The following SERGEF variants were observed in gnomAD, a reference collection of about 807,000 sequenced individuals.
SERGEF encodes the protein secretion-regulating guanine nucleotide exchange factor.
SERGEF carries 51 observed loss-of-function variants against 50.0 expected under a neutral mutation model. That is an observed-to-expected ratio of 1.02 (90% CI 0.81 to 1.29). The LOEUF is 1.29. Among genes scored for constraint, SERGEF ranks in the 50% most tolerant of loss-of-function variants. The pLI is 0.00. For missense variants in SERGEF, 521 were observed against 557.0 expected (o/e 0.94, Z 0.65); for synonymous variants, 205 against 212.4 (o/e 0.97, Z 0.30).
At chr11:17,883,881 T>C (rs1425004440) in intron 9 of SERGEF, among the ~76,000 whole-genome samples, 1 of 152,024 alleles carries the variant, frequency 6.6e-6, no homozygotes, top group South Asian at 2.1e-4. Flanking sequence ...CCTGCCCTCC[T>C]CATGGATACC....
intron 9 of SERGEF, among the ~76,000 whole-genome samples, chr11:17,890,229 C>T (rs1049686684): frequency 6.6e-6 from 1 of 151,990 alleles, no homozygotes; most frequent in African/African-American, 2.4e-5. Flanking sequence ...GACTGTGATG[C>T]AATGGGTCGG....
chr11:17,909,176 G>C (rs2133927908), intron 9 of SERGEF, among the ~76,000 whole-genome samples: 1 of 152,286 alleles, frequency 6.6e-6, no homozygotes, highest in South Asian at 2.1e-4. Flanking sequence ...GGCAAGTCAA[G>C]CCATTGTTTT....
At chr11:17,926,960 T>C (rs1205135566) in intron 9 of SERGEF, 2 of 403,308 alleles carry the variant, frequency 5.0e-6, no homozygotes, top group Non-Finnish European at 1.0e-5. Flanking sequence ...AGGACCTCTT[T>C]GACGGATAAA....
chr11:17,982,962 T>G lies in SERGEF; in HGVS notation c.844+5635A>C, dbSNP rs533384947. On this transcript the variant is annotated intron_variant, in intron 8 of 10. Coordinates refer to ENST00000265965, the MANE Select transcript of SERGEF (RefSeq NM_012139.4). ...AGTTGCCATAAAGTCACTTTCTCTC[T>G]GCTTGGTTTCAGTTTTTTCATTTGC... Among the ~76,000 whole-genome samples the G allele has an allele frequency of 5.9e-5, 9 of 152,378 alleles. No homozygotes were observed. The East Asian group carries it at 1.7e-3, about 29-fold the overall frequency.
chr11:17,826,488 T>C (rs1293112084), intron 10 of SERGEF, among the ~76,000 whole-genome samples: 1 of 152,176 alleles, frequency 6.6e-6, no homozygotes, highest in Admixed American at 6.5e-5. Context: ...ACTGAGGAAT[T>C]TGGAGCATGC....
intron 10 of SERGEF, among the ~76,000 whole-genome samples, chr11:17,840,467 G>T (rs1850479911): frequency 6.6e-6 from 1 of 152,140 alleles, no homozygotes; most frequent in African/African-American, 2.4e-5. Context: ...CTGTTCTACA[G>T]AAGGACACGA....
chr11:17,990,555 C>T (rs188485377), intron 7 of SERGEF, among the ~76,000 whole-genome samples: 4 of 152,330 alleles, frequency 2.6e-5, no homozygotes, highest in Admixed American at 2.6e-4. Context: ...TAAACAACTT[C>T]ACTTATCTTA....
intron 10 of SERGEF, among the ~76,000 whole-genome samples, chr11:17,872,892 T>C (rs1851168661): frequency 6.6e-6 from 1 of 151,994 alleles, no homozygotes; most frequent in African/African-American, 2.4e-5. Flanking sequence ...GAAATGAGTA[T>C]AGTATGCTAC....
At chr11:17,830,877 T>C (rs927172936) in intron 10 of SERGEF, among the ~76,000 whole-genome samples, 2 of 152,140 alleles carry the variant, frequency 1.3e-5, no homozygotes, top group Non-Finnish European at 2.9e-5. Flanking sequence ...GCATACATTT[T>C]CTAAGTGTGA....
At chr11:17,951,030 G>T (rs146836471) in intron 9 of SERGEF, among the ~76,000 whole-genome samples, 6 of 152,250 alleles carry the variant, frequency 3.9e-5, no homozygotes, top group African/African-American at 1.4e-4. Context: ...ATACTCTGAT[G>T]CTGCAGGGAG....
At chr11:17,877,513 AGTC>A (rs1334151168) in intron 10 of SERGEF, among the ~76,000 whole-genome samples, 1 of 152,230 alleles carries the variant, frequency 6.6e-6, no homozygotes, top group Non-Finnish European at 1.5e-5. Flanking sequence ...AGCATAGAGA[AGTC>A]AATACCTTGT....
chr11:17,966,020 C>A (rs990967606), intron 8 of SERGEF, among the ~76,000 whole-genome samples: 1 of 152,218 alleles, frequency 6.6e-6, no homozygotes, highest in Non-Finnish European at 1.5e-5. Flanking sequence ...TTAAGGATTT[C>A]CATGGTTCCA....
chr11:18,000,289 A>T (rs1346727200), intron 5 of SERGEF, among the ~76,000 whole-genome samples: 1 of 151,900 alleles, frequency 6.6e-6, no homozygotes, highest in Non-Finnish European at 1.5e-5. Context: ...CTCTACAAAA[A>T]ATCTTAAAAA....
chr11:17,959,661 A>C, intron 8 of SERGEF, 25 bp from the exon 9 acceptor site: 1 of 1,593,836 alleles, frequency 6.3e-7, no homozygotes, highest in Non-Finnish European at 8.6e-7. Flanking sequence ...TATTTGAATT[A>C]AGACTACATT....
Position 17,788,237 on chromosome 11 carries a change from C to T in SERGEF, c.1225G>A (p.Val409Ile). The change falls in exon 11 of 11, where the codon GTC becomes ATC. Residue 409 changes from valine (V) to isoleucine (I), a missense_variant. Physicochemically the swap from Val to Ile is conservative, Grantham distance 29 (BLOSUM62 3). Coordinates refer to ENST00000265965, the MANE Select transcript of SERGEF (RefSeq NM_012139.4). ...LCQLPAHPAL[V>I]QDPKVTYLSP... Reference sequence around the variant, plus strand: ...AGGTAGGTGACCTTGGGGTCCTGGACCAATGCAGGGTGAGCTGGCAGCTGG... The same window carrying T: ...AGGTAGGTGACCTTGGGGTCCTGGATCAATGCAGGGTGAGCTGGCAGCTGG... The T allele has an allele frequency of 6.2e-7, 1 of 1,613,896 alleles. No homozygotes were observed. Among genetic ancestry groups the T allele is most frequent in the Non-Finnish European group, 8.5e-7 (1 of 1,179,860 alleles).
chr11:18,010,122 GT>G (rs1854166366), intron 1 of SERGEF: 2 of 1,257,358 alleles, frequency 1.6e-6, no homozygotes, highest in Non-Finnish European at 2.1e-6. Context: ...TTTTAAATAT[GT>G]TTGTTTTTGA....
At chr11:17,851,858 C>T (rs2092913586) in intron 10 of SERGEF, among the ~76,000 whole-genome samples, 1 of 152,146 alleles carries the variant, frequency 6.6e-6, no homozygotes, top group Non-Finnish European at 1.5e-5. Context: ...CTGGACAACC[C>T]CACCCCCACT....
At chr11:17,912,567 A>C (rs1226898755) in intron 9 of SERGEF, among the ~76,000 whole-genome samples, 1 of 152,248 alleles carries the variant, frequency 6.6e-6, no homozygotes, top group East Asian at 1.9e-4. Flanking sequence ...ACTGAACATC[A>C]TCTAATGTAT....
chr11:17,884,625 G>GAGGC lies in SERGEF; in HGVS notation c.1012-6385_1012-6382dup, dbSNP rs1851395900. 6.6e-6 allele frequency among the ~76,000 whole-genome samples: 1 copy of GAGGC among 152,228 alleles called. No homozygotes were observed. The highest frequency in any genetic ancestry group is 6.5e-5 in the Admixed American group (1 of 15,284). On this transcript the variant is annotated intron_variant, in intron 9 of 10. Transcript: ENST00000265965. The surrounding 1 kb of genome is among the most constrained non-coding windows in gnomAD (Gnocchi z 4.6). ...TGGGGAAGGCCATGGCGACACCAGA[G>GAGGC]AGGCAGCACGGCTGTTTGCTTCTGG...
Sources: allele counts gnomAD v4.1 joint callset (sites outside exome capture counted in the v4.1 genomes callset), GRCh38; gene constraint gnomAD v4.1.1; non-coding constraint Gnocchi (gnomAD v3.1); transcripts MANE v1.5; gene names NCBI Gene and HGNC (gene_info 2026-07-23, HGNC 2026-07-21).